Variants in AP2A2 observed in about 807,000 individuals in gnomAD.
The protein encoded by AP2A2 is AP-2 complex subunit alpha-2.
AP2A2 carries 32 observed loss-of-function variants against 104.2 expected under a neutral mutation model. That is an observed-to-expected ratio of 0.31 (90% CI 0.23 to 0.41). The LOEUF (loss-of-function observed/expected upper bound fraction) is 0.41, where lower values mean the gene tolerates loss of function less well. Among genes scored for constraint, AP2A2 ranks in the 10% least tolerant of loss-of-function variants. The pLI, the probability that AP2A2 is intolerant of heterozygous loss-of-function variation, is 1.00. For missense variants in AP2A2, 912 were observed against 1,261.0 expected, an observed-to-expected ratio of 0.72 and a Z score of 4.19; for synonymous variants, 539 against 533.3, an observed-to-expected ratio of 1.01 and a Z score of -0.15.
At chr11:965,614 G>T (rs1854588031) in intron 2 of AP2A2, among the ~76,000 whole-genome samples, 1 of 152,210 alleles carries the variant, frequency 6.6e-6, no homozygotes. Context: ...TTTGGGTGGT[G>T]TGGGCCTGGA....
Position 988,601 on chromosome 11 carries a change from C to T in AP2A2, c.1181C>T (p.Ala394Val). ...CAGCGGGCCGTGGACCTCCTCTACG[C>T]CATGTGCGACCGCAGCAACGCCCCA... is the stretch of plus-strand genomic sequence containing the variant. Reference protein sequence around the residue: ...VRQRAVDLLYAMCDRSNAPQI... With the variant: ...VRQRAVDLLYVMCDRSNAPQI... Residue 394 changes from alanine (A) to valine (V), a missense_variant, in exon 10 of 22, where the codon GCC becomes GTC. This residue lies in a region of AP2A2 where 350 missense variants were observed against 487.0 expected (regional missense o/e 0.72). Transcript: ENST00000448903. The T allele has an allele frequency of 6.2e-7, 1 of 1,613,420 alleles. No homozygotes were observed. The highest frequency in any genetic ancestry group is 8.5e-7 in the Non-Finnish European group (1 of 1,179,896).
chr11:925,887 C>T lies in AP2A2; in HGVS notation c.-135C>T, dbSNP rs977027817. On this transcript the variant is annotated 5_prime_UTR_variant, in exon 1 of 22. Transcript: ENST00000448903. ...GGCGGCCCAGAAAGCGGCGCTGGGA[C>T]CCTGAGGCGGCCGTGGTTAGGCGGC... is the stretch of plus-strand genomic sequence containing the variant. The T allele has an allele frequency of 7.7e-5, 44 of 570,776 alleles. No individual in the cohort carries two copies. Among genetic ancestry groups the T allele is most frequent in the Non-Finnish European group, 1.0e-4 (39 of 382,320 alleles). 35.4% of individuals were successfully genotyped at this position (570,776 alleles called of 1,614,324 possible).
In AP2A2 at chr11:1,003,732, A is replaced by G. The variant is rs775252641; in HGVS notation, c.2134A>G (p.Lys712Glu). 6.2e-7 allele frequency: 1 copy of G among 1,603,034 alleles called. No homozygotes were observed. Among genetic ancestry groups the G allele is most frequent in the Non-Finnish European group, 8.5e-7 (1 of 1,174,960 alleles). Residue 712 changes from lysine (K) to glutamate (E), a missense_variant, in exon 16 of 22, where the codon AAA (lysine) becomes GAA (glutamate). Transcript: ENST00000448903. Reference protein sequence around the residue: ...SEDNFARFVCKNNGVLFENQL... With the variant: ...SEDNFARFVCENNGVLFENQL... ...TCCCTTTTCCCCTAGGTTTGTTTGTAAAAACAATGGTGTGTTGTTTGAAAA... is the reference window on the plus strand; with the variant it reads ...TCCCTTTTCCCCTAGGTTTGTTTGTGAAAACAATGGTGTGTTGTTTGAAAA...
At chr11:971,958 G>T in intron 3 of AP2A2, 104 bp from the exon 4 acceptor site, 1 of 1,174,078 alleles carries the variant, frequency 8.5e-7, no homozygotes. Flanking sequence ...GGTGGTGCCT[G>T]GGCTGCTTCC....
intron 14 of AP2A2, among the ~76,000 whole-genome samples, chr11:995,785 CCT>C (rs1855836951): frequency 7.9e-6 from 1 of 126,116 alleles, no homozygotes; most frequent in Admixed American, 8.3e-5. Flanking sequence ...CTGTGCAGCC[CCT>C]GTCCCCCCGT....
intron 1 of AP2A2, among the ~76,000 whole-genome samples, chr11:952,976 C>G (rs1458376756): frequency 6.6e-6 from 1 of 152,184 alleles, no homozygotes; most frequent in African/African-American, 2.4e-5. Flanking sequence ...ACAGGAGAGC[C>G]CCTGACAGGC....
At position 993,674 on chromosome 11, in the gene AP2A2, CGCCG is replaced by C; in HGVS notation, c.1551-79_1551-76del. On this transcript the variant is annotated intron_variant, in intron 12 of 21. Transcript: ENST00000448903. This position sits in a 1 kb window ranked among gnomAD's most constrained non-coding sequence, Gnocchi z 8.2. ...TCTGGTGCAGGCCAGGGGGTCTCGC[CGCCG>C]TCCCCCCCCCGCGGGGGCGTGCTGC... The C allele has an allele frequency of 8.7e-7, 1 of 1,153,428 alleles. No homozygotes were observed. The highest frequency in any genetic ancestry group is 1.2e-6 in the Non-Finnish European group (1 of 815,764). 71.4% of individuals were successfully genotyped at this position (1,153,428 alleles called of 1,614,324 possible). A position where few individuals can be genotyped will look rare whatever the true frequency, so the allele number is the denominator to read the frequency against.
intron 17 of AP2A2, 21 bp downstream of exon 17, chr11:1,006,638 C>G: frequency 1.3e-6 from 2 of 1,582,612 alleles, no homozygotes; most frequent in Non-Finnish European, 1.7e-6. Context: ...CTTCATTGCC[C>G]CATGCCCGCA....
In AP2A2 at chr11:939,319, AC is replaced by A. The variant is rs1347349790; in HGVS notation, c.67+13233del. 4.0e-5 allele frequency among the ~76,000 whole-genome samples: 6 copies of A among 151,862 alleles called. No homozygotes were observed. In the East Asian group the frequency reaches 1.2e-3, roughly 29 times the overall value. ...GCCCCTGCCTTGCCCACATTTCTAA[AC>A]CTGAGTGAATTATTTTCATTTTATA... On this transcript the variant is annotated intron_variant, in intron 1 of 21. Transcript: ENST00000448903.
intron 1 of AP2A2, among the ~76,000 whole-genome samples, chr11:951,721 A>G (rs909079308): frequency 1.3e-5 from 2 of 152,204 alleles, no homozygotes; most frequent in African/African-American, 4.8e-5. Context: ...CTAGTAAAAC[A>G]TGGAGTGACA....
At position 1,000,482 on chromosome 11, in the gene AP2A2, T is replaced by C. The variant is rs749551772; in HGVS notation, c.2007T>C (p.Pro669=). ...ADLLGLGAAP[P]APAGPPPSSG... Reference sequence around the variant, plus strand: ...TGCTGGGTCTCGGGGCTGCCCCCCCTGCCCCCGCGGGCCCCCCACCCTCCT... The same window carrying C: ...TGCTGGGTCTCGGGGCTGCCCCCCCCGCCCCCGCGGGCCCCCCACCCTCCT... The change falls in exon 15 of 22, where the codon CCT becomes CCC. Residue 669 remains proline, a synonymous_variant. Coordinates refer to ENST00000448903, the MANE Select transcript of AP2A2 (RefSeq NM_012305.4). 3.9e-6 allele frequency: 6 copies of C among 1,538,782 alleles called. No homozygotes were observed. The South Asian group carries it at 6.0e-5, about 15-fold the overall frequency.
At chr11:999,697 A>G (rs754738099) in intron 14 of AP2A2, among the ~76,000 whole-genome samples, 1 of 152,116 alleles carries the variant, frequency 6.6e-6, no homozygotes, top group Non-Finnish European at 1.5e-5. Context: ...TTTAGTAATA[A>G]TTTAATGATT....
chr11:936,528 G>T (rs965657430), intron 1 of AP2A2, among the ~76,000 whole-genome samples: 2 of 151,944 alleles, frequency 1.3e-5, no homozygotes, highest in African/African-American at 4.8e-5. Context: ...TGAGTGGCTG[G>T]GACCACAGCC....
chr11:951,040 C>T (rs1024502233), intron 1 of AP2A2, among the ~76,000 whole-genome samples: 5 of 150,538 alleles, frequency 3.3e-5, no homozygotes, highest in South Asian at 2.1e-4. Context: ...TGCAGTGAGC[C>T]GAGGTCATGT....
At chr11:997,782 G>A (rs958928744) in intron 14 of AP2A2, among the ~76,000 whole-genome samples, 1 of 152,202 alleles carries the variant, frequency 6.6e-6, no homozygotes, top group Non-Finnish European at 1.5e-5. Context: ...GTGTGTGCCT[G>A]TAATCCCAGC....
rs376361676 is a variant in AP2A2 at position 1,000,446 on chromosome 11, G to A, written c.1971G>A (p.Pro657=). 380 of 1,543,758 alleles carry A rather than the reference G, an allele frequency of 2.5e-4. 4 individuals are homozygous for A. The African/African-American group carries it at 4.5e-3, about 18-fold the overall frequency. ...ASTSAVSTPS[P]SADLLGLGAA... is the part of the protein sequence containing the mutation. Reference sequence around the variant, plus strand: ...TTCTCTTCCAGTCTACGCCTTCTCCGTCGGCAGACCTGCTGGGTCTCGGGG... The same window carrying A: ...TTCTCTTCCAGTCTACGCCTTCTCCATCGGCAGACCTGCTGGGTCTCGGGG... The change falls in exon 15 of 22, where the codon CCG becomes CCA. Residue 657 remains proline, a synonymous_variant. Coordinates refer to ENST00000448903, the MANE Select transcript of AP2A2 (RefSeq NM_012305.4).
At chr11:989,755 A>ACTCACAGGCCT (rs1158975037) in intron 10 of AP2A2, among the ~76,000 whole-genome samples, 2 of 152,108 alleles carry the variant, frequency 1.3e-5, no homozygotes. Context: ...CCTCCACCAC[A>ACTCACAGGCCT]CTCACAGGCC....
At chr11:959,754 G>A (rs975300301) in intron 2 of AP2A2, among the ~76,000 whole-genome samples, 17 of 152,180 alleles carry the variant, frequency 1.1e-4, no homozygotes, top group South Asian at 4.1e-4. Flanking sequence ...GCTGCATGTC[G>A]CAGTATTAGC....
chr11:993,685 C>G lies in AP2A2; in HGVS notation c.1551-69C>G. On this transcript the variant is annotated intron_variant, in intron 12 of 21. Transcript: ENST00000448903. The surrounding 1 kb of genome is among the most constrained non-coding windows in gnomAD (Gnocchi z 8.2). Reference sequence around the variant, plus strand: ...CCAGGGGGTCTCGCCGCCGTCCCCCCCCCGCGGGGGCGTGCTGCAGCCTGC... The same window carrying G: ...CCAGGGGGTCTCGCCGCCGTCCCCCGCCCGCGGGGGCGTGCTGCAGCCTGC... The G allele has an allele frequency of 7.9e-7, 1 of 1,267,768 alleles. No homozygotes were observed. 78.5% of individuals were successfully genotyped at this position (1,267,768 alleles called of 1,614,324 possible). A position where few individuals can be genotyped will look rare whatever the true frequency, so the allele number is the denominator to read the frequency against.
Sources: allele counts gnomAD v4.1 joint callset (sites outside exome capture counted in the v4.1 genomes callset), GRCh38; gene constraint gnomAD v4.1.1; regional missense constraint gnomAD v4.1.1; non-coding constraint Gnocchi (gnomAD v3.1); transcripts MANE v1.5; gene names NCBI Gene and HGNC (gene_info 2026-07-23, HGNC 2026-07-21).